Variants in CCNG2 observed in about 807,000 individuals in gnomAD.
The protein encoded by CCNG2 is cyclin-G2.
In CCNG2, 20 loss-of-function variants were observed where a neutral mutation model predicts 36.5. The ratio of observed to expected loss-of-function variants is 0.55; its 90% CI spans 0.39 to 0.80. The LOEUF (loss-of-function observed/expected upper bound fraction) is 0.80. Among genes scored for constraint, CCNG2 ranks in the 30% least tolerant of loss-of-function variants. The pLI is 0.00. For synonymous variants in CCNG2, 155 were observed against 140.1 expected (o/e 1.11, Z -0.75); for missense variants, 358 against 390.8 (o/e 0.92, Z 0.71).
At chr4:77,163,106 G>A (rs973964607) in intron 6 of CCNG2, among the ~76,000 whole-genome samples, 10 of 152,090 alleles carry the variant, frequency 6.6e-5, no homozygotes, top group Non-Finnish European at 1.0e-4. Context: ...GGAATAAGAA[G>A]ATAAACTATA....
In CCNG2 at chr4:77,167,206, T is replaced by G. The variant is rs1731653180; in HGVS notation, c.*1282T>G. The G allele has an allele frequency of 6.6e-6, 1 of 152,198 alleles. No homozygotes were observed. Among genetic ancestry groups the G allele is most frequent in the African/African-American group, 2.4e-5 (1 of 41,442 alleles). 9.4% of individuals were successfully genotyped at this position (152,198 alleles called of 1,614,324 possible). On this transcript the variant is annotated 3_prime_UTR_variant, in exon 8 of 8. Coordinates refer to ENST00000316355, the MANE Select transcript of CCNG2 (RefSeq NM_004354.3). Reference sequence around the variant, plus strand: ...AATTCAAAATAAAATTATTAATGAATTCTCCTTGTTTGGGATCACATCTTA... The same window carrying G: ...AATTCAAAATAAAATTATTAATGAAGTCTCCTTGTTTGGGATCACATCTTA...
Position 77,164,330 on chromosome 4 carries a change from G to A in CCNG2, c.762G>A (p.Glu254=), listed in dbSNP as rs1560423966. 1 of 1,614,038 alleles carries A rather than the reference G, an allele frequency of 6.2e-7. No homozygotes were observed. The highest frequency in any genetic ancestry group is 8.5e-7 in the Non-Finnish European group (1 of 1,179,984). The change falls in exon 7 of 8, where the codon GAG becomes GAA. Residue 254 remains glutamate, a synonymous_variant. Coordinates refer to ENST00000316355, the MANE Select transcript of CCNG2 (RefSeq NM_004354.3). ...WRELVSKCLA[E]YSSPECCKPD... is the part of the protein sequence containing the mutation. ...AGTTGGTTTCTAAATGCCTAGCCGAGTATTCTTCTCCTGAATGTTGCAAAC... is the reference window on the plus strand; with the variant it reads ...AGTTGGTTTCTAAATGCCTAGCCGAATATTCTTCTCCTGAATGTTGCAAAC...
In CCNG2 at chr4:77,160,531, T is replaced by TTG. The variant is rs1451880647; in HGVS notation, c.277-190_277-189insTG. ...CACTGTTCCCTGCTGCCTTTTTTTT[T>TTG]GGGGGGGGGGGGAGGTCGAGAACGT... On this transcript the variant is annotated intron_variant, in intron 3 of 7. Transcript: ENST00000316355. Among the ~76,000 whole-genome samples the TTG allele has an allele frequency of 6.1e-4, 66 of 107,384 alleles. 4 individuals carry two copies. Among genetic ancestry groups the TTG allele is most frequent in the African/African-American group, 1.5e-3 (35 of 23,072 alleles). The allele number at this position is 107,384 out of a possible 152,430, so 70.4% of individuals were successfully genotyped here. A position where few individuals can be genotyped will look rare whatever the true frequency, so the allele number is the denominator to read the frequency against.
rs780598492 is a variant in CCNG2, at chr4:77,161,646, C to T, written c.607-3C>T. On this transcript the variant is annotated splice_polypyrimidine_tract_variant and splice_region_variant and intron_variant, in intron 5 of 7. Transcript: ENST00000316355. Reference sequence around the variant, plus strand: ...TTTTTCTTTTTTTTCTTTTTTCTTACAGCCATCTGTATTAGCCTTGTGCCT... The same window carrying T: ...TTTTTCTTTTTTTTCTTTTTTCTTATAGCCATCTGTATTAGCCTTGTGCCT... 4 of 1,579,856 alleles carry T rather than the reference C, an allele frequency of 2.5e-6. No individual in the cohort carries two copies. The highest frequency in any genetic ancestry group is 2.2e-5 in the East Asian group (1 of 44,504).
In CCNG2 at chr4:77,165,902, A is replaced by G. The variant is rs753561639; in HGVS notation, c.1013A>G (p.Gln338Arg). 6.2e-7 allele frequency: 1 copy of G among 1,609,458 alleles called. No individual in the cohort carries two copies. Among genetic ancestry groups the G allele is most frequent in the Non-Finnish European group, 8.5e-7 (1 of 1,178,648 alleles). ...TTCTTTTTCAACTTCAAAGTGGCAC[A>G]AACACTGTGCTTTCCATCTTAGAAA... ...CTFFFNFKVAQTLCFPS is the reference protein window; with the variant it reads ...CTFFFNFKVARTLCFPS The change falls in exon 8 of 8, where the codon CAA becomes CGA. Residue 338 changes from glutamine to arginine, a missense_variant. Physicochemically the swap from Gln to Arg is conservative, Grantham distance 43. Coordinates refer to ENST00000316355, the MANE Select transcript of CCNG2 (RefSeq NM_004354.3).
chr4:77,161,023 A>G, intron 4 of CCNG2, 52 bp downstream of exon 4: 2 of 1,335,018 alleles, frequency 1.5e-6, no homozygotes, highest in Non-Finnish European at 2.0e-6. Context: ...TATAGCTAAC[A>G]GTAAATAATT....
In CCNG2 at chr4:77,169,953, C is replaced by T. The variant is rs1309774887; in HGVS notation, c.*4029C>T. 3.3e-5 allele frequency: 5 copies of T among 152,232 alleles called. No homozygotes were observed. Among genetic ancestry groups the T allele is most frequent in the African/African-American group, 1.2e-4 (5 of 41,508 alleles). 9.4% of individuals were successfully genotyped at this position (152,232 alleles called of 1,614,324 possible). A position where few individuals can be genotyped will look rare whatever the true frequency, so the allele number is the denominator to read the frequency against. ...ATGGTGATTATCTCTGGTGAGATTA[C>T]AGGTGATGTTTTTTTTAAGTTATGC... On this transcript the variant is annotated 3_prime_UTR_variant, in exon 8 of 8. Coordinates refer to ENST00000316355, the MANE Select transcript of CCNG2 (RefSeq NM_004354.3).
rs1731633776 is a variant in CCNG2 at position 77,166,342 on chromosome 4, A to G, written c.*418A>G. 2 of 152,854 alleles carry G rather than the reference A, an allele frequency of 1.3e-5. No homozygotes were observed. Among genetic ancestry groups the G allele is most frequent in the African/African-American group, 4.8e-5 (2 of 41,446 alleles). 9.5% of individuals were successfully genotyped at this position (152,854 alleles called of 1,614,324 possible). On this transcript the variant is annotated 3_prime_UTR_variant, in exon 8 of 8. Transcript: ENST00000316355. ...TTAGCAGGGACAGTGGATAATCCTT[A>G]ATGGTTTATCATAGATTTCACCCTC... is the stretch of plus-strand genomic sequence containing the variant.
At chr4:77,160,013 C>G (rs1226802043) in intron 3 of CCNG2, among the ~76,000 whole-genome samples, 1 of 152,230 alleles carries the variant, frequency 6.6e-6, no homozygotes, top group Non-Finnish European at 1.5e-5. Context: ...GCTGCTGGGT[C>G]AGTTCTCAGG....
In CCNG2 at chr4:77,160,981, A is replaced by G. The variant is rs1731419430; in HGVS notation, c.527+10A>G. ...GTCATACTTCAGAAAGGTCAGTGGG[A>G]TTAAAGATACATTTTGTACTTTGAA... is the stretch of plus-strand genomic sequence containing the variant. On this transcript the variant is annotated intron_variant, in intron 4 of 7. Coordinates refer to ENST00000316355, the MANE Select transcript of CCNG2 (RefSeq NM_004354.3). The G allele has an allele frequency of 6.3e-7, 1 of 1,587,394 alleles. No homozygotes were observed. Among genetic ancestry groups the G allele is most frequent in the Non-Finnish European group, 8.5e-7 (1 of 1,169,706 alleles).
At chr4:77,161,321 C>T (rs568014215) in intron 4 of CCNG2, among the ~76,000 whole-genome samples, 159 bp from the exon 5 acceptor site, 9 of 152,130 alleles carry the variant, frequency 5.9e-5, no homozygotes, top group South Asian at 2.1e-4. Flanking sequence ...AGGCTGGTCT[C>T]GAACTCCTGA....
chr4:77,163,889 C>T (rs939219354), intron 6 of CCNG2, among the ~76,000 whole-genome samples: 8 of 152,156 alleles, frequency 5.3e-5, no homozygotes, highest in African/African-American at 1.9e-4. Context: ...TGTTAAATTC[C>T]TTTGCATTGA....
Position 77,168,735 on chromosome 4 carries a change from C to T in CCNG2, c.*2811C>T, listed in dbSNP as rs780369142. 3.3e-5 allele frequency: 5 copies of T among 152,170 alleles called. No homozygotes were observed. Among genetic ancestry groups the T allele is most frequent in the Non-Finnish European group, 7.3e-5 (5 of 68,044 alleles). 9.4% of individuals were successfully genotyped at this position (152,170 alleles called of 1,614,324 possible). A position where few individuals can be genotyped will look rare whatever the true frequency, so the allele number is the denominator to read the frequency against. On this transcript the variant is annotated 3_prime_UTR_variant, in exon 8 of 8. Transcript: ENST00000316355. ...TCTCTTTGGGCATTATTAGGAGGCT[C>T]ACAGACAAGTCCAGGAGCCTGGTTA...
At position 77,167,368 on chromosome 4, in the gene CCNG2, AAGAG is replaced by A. The variant is rs1314802085; in HGVS notation, c.*1446_*1449del. The stretch of plus-strand genomic sequence containing the variant: ...GGCATCTGTGCCTTGGAGATACTGA[AAGAG>A]AATCTGTCATTTGACAATTGACCTC... On this transcript the variant is annotated 3_prime_UTR_variant, in exon 8 of 8. Transcript: ENST00000316355. 6.6e-6 allele frequency: 1 copy of A among 152,212 alleles called. No individual in the cohort carries two copies. Among genetic ancestry groups the A allele is most frequent in the African/African-American group, 2.4e-5 (1 of 41,456 alleles). The allele number at this position is 152,212 out of a possible 1,614,324, so 9.4% of individuals were successfully genotyped here. A position where few individuals can be genotyped will look rare whatever the true frequency, so the allele number is the denominator to read the frequency against.
Position 77,168,661 on chromosome 4 carries a change from T to TGGAAGTGTGGATGA in CCNG2, c.*2743_*2756dup. 6.6e-6 allele frequency: 1 copy of TGGAAGTGTGGATGA among 151,588 alleles called. No individual in the cohort carries two copies. Among genetic ancestry groups the TGGAAGTGTGGATGA allele is most frequent in the Non-Finnish European group, 1.5e-5 (1 of 68,078 alleles). 9.4% of individuals were successfully genotyped at this position (151,588 alleles called of 1,614,324 possible). Reference sequence around the variant, plus strand: ...GACCAGTCTGACTGAACTAAGGCAGTGGAAGTGTGGATGAGGAAGAGAGGT... The same window carrying TGGAAGTGTGGATGA: ...GACCAGTCTGACTGAACTAAGGCAGTGGAAGTGTGGATGAGGAAGTGTGGATGAGGAAGAGAGGT... On this transcript the variant is annotated 3_prime_UTR_variant, in exon 8 of 8. Transcript: ENST00000316355.
At chr4:77,157,768 C>A (rs1440893368) in intron 1 of CCNG2, among the ~76,000 whole-genome samples, 1 of 152,124 alleles carries the variant, frequency 6.6e-6, no homozygotes, top group East Asian at 1.9e-4. Context: ...CTCGTGTTGT[C>A]ACGGGGACTT....
intron 3 of CCNG2, among the ~76,000 whole-genome samples, chr4:77,160,158 AGAT>A (rs992414924): frequency 6.6e-6 from 1 of 151,390 alleles, no homozygotes; most frequent in Admixed American, 6.6e-5. Flanking sequence ...TTATGTAAAA[AGAT>A]AAGTATAAAA....
At chr4:77,157,616 C>G (rs547986438) in intron 1 of CCNG2, 110 bp downstream of exon 1, 1 of 152,836 alleles carries the variant, frequency 6.5e-6, no homozygotes, top group African/African-American at 2.4e-5. Context: ...TGCTCCTCAT[C>G]CGCTGGAGCG....
In CCNG2 at chr4:77,166,394, T is replaced by C. The variant is rs1731635085; in HGVS notation, c.*470T>C. 1 of 152,280 alleles carries C rather than the reference T, an allele frequency of 6.6e-6. No individual in the cohort carries two copies. Among genetic ancestry groups the C allele is most frequent in the Admixed American group, 6.5e-5 (1 of 15,278 alleles). The allele number at this position is 152,280 out of a possible 1,614,324, so 9.4% of individuals were successfully genotyped here. A position where few individuals can be genotyped will look rare whatever the true frequency, so the allele number is the denominator to read the frequency against. ...CCCCTTCTCAGAAGAGTGAGTATGC[T>C]CTTAAATGTCAAACACATTTTTGTT... is the stretch of plus-strand genomic sequence containing the variant. On this transcript the variant is annotated 3_prime_UTR_variant, in exon 8 of 8. Transcript: ENST00000316355.
Sources: allele counts gnomAD v4.1 joint callset (sites outside exome capture counted in the v4.1 genomes callset), GRCh38; gene constraint gnomAD v4.1.1; transcripts MANE v1.5; gene names NCBI Gene and HGNC (gene_info 2026-07-23, HGNC 2026-07-21).